ALK: variants seen among roughly 807,000 people sequenced by gnomAD.
ALK encodes ALK tyrosine kinase receptor.
ALK carries 74 observed loss-of-function variants against 163.1 expected under a neutral mutation model. That is an observed-to-expected ratio of 0.45 (90% CI 0.38 to 0.55). ALK has a LOEUF of 0.55. ALK is among the 20% of genes least tolerant of loss of function. The pLI is 0.00. For synonymous variants in ALK, 960 were observed against 843.2 expected (o/e 1.14, Z -2.40); for missense variants, 2,063 against 2,105.3 (o/e 0.98, Z 0.39).
intron 4 of ALK, among the ~76,000 whole-genome samples, chr2:29,434,269 G>A (rs1670344310): frequency 6.6e-6 from 1 of 152,170 alleles, no homozygotes; most frequent in South Asian, 2.1e-4. Flanking sequence ...TTGGATGGAA[G>A]AGCATAATGA....
chr2:29,793,045 T>C (rs6711515), intron 1 of ALK, among the ~76,000 whole-genome samples: 26,296 of 152,156 alleles, frequency 0.17, 2,774 homozygotes, highest in East Asian at 0.41. Flanking sequence ...CCACAGTAAA[T>C]CTTTCAAAAT....
intron 4 of ALK, among the ~76,000 whole-genome samples, chr2:29,398,678 G>C (rs1178278401): frequency 6.6e-6 from 1 of 152,166 alleles, no homozygotes; most frequent in Non-Finnish European, 1.5e-5. Flanking sequence ...AGCTGGGCAG[G>C]AGAGCAGGAC....
chr2:29,899,791 A>T (rs1667365212), intron 1 of ALK: 1 of 151,236 alleles, frequency 6.6e-6, no homozygotes, highest in South Asian at 2.1e-4. Context: ...ACACCACTGC[A>T]CTCCAGCCTG....
chr2:29,897,805 C>T (rs1449706942), intron 1 of ALK, among the ~76,000 whole-genome samples: 1 of 152,194 alleles, frequency 6.6e-6, no homozygotes, highest in African/African-American at 2.4e-5. Context: ...CCTCCTGTAC[C>T]CTGCCCTTCT....
intron 4 of ALK, among the ~76,000 whole-genome samples, chr2:29,429,171 T>C (rs1219789513): frequency 6.6e-6 from 1 of 152,086 alleles, no homozygotes; most frequent in Non-Finnish European, 1.5e-5. Flanking sequence ...AAAGACTGAA[T>C]GCTTTCCTTT....
chr2:29,446,748 A>G (rs1016529189), intron 4 of ALK, among the ~76,000 whole-genome samples: 1 of 152,212 alleles, frequency 6.6e-6, no homozygotes, highest in African/African-American at 2.4e-5. Context: ...TTCATGAAAA[A>G]TAGTGTGCAA....
At chr2:29,697,438 G>A (rs1053831452) in intron 2 of ALK, among the ~76,000 whole-genome samples, 6 of 152,072 alleles carry the variant, frequency 3.9e-5, no homozygotes, top group South Asian at 2.1e-4. Flanking sequence ...ATGATTCCAC[G>A]TTTGCCCCAC....
At chr2:29,872,341 C>T (rs1341906230) in intron 1 of ALK, among the ~76,000 whole-genome samples, 1 of 152,116 alleles carries the variant, frequency 6.6e-6, no homozygotes, top group Non-Finnish European at 1.5e-5. Flanking sequence ...GGTGAGCAGA[C>T]AAAACAGGTA....
At chr2:29,649,152 G>A (rs1314402681) in intron 3 of ALK, among the ~76,000 whole-genome samples, 1 of 151,776 alleles carries the variant, frequency 6.6e-6, no homozygotes, top group African/African-American at 2.4e-5. Flanking sequence ...TATAGTGTGG[G>A]ATTCAATTAT....
chr2:29,692,759 A>C (rs1678439022), intron 3 of ALK, among the ~76,000 whole-genome samples: 3 of 152,212 alleles, frequency 2.0e-5, no homozygotes, highest in Admixed American at 2.0e-4. Flanking sequence ...TTCTAGAGAA[A>C]TTCTTGAACA....
At chr2:29,287,364 C>T (rs961377192) in intron 9 of ALK, among the ~76,000 whole-genome samples, 3 of 152,204 alleles carry the variant, frequency 2.0e-5, no homozygotes, top group African/African-American at 7.2e-5. Flanking sequence ...TTACTGTTGG[C>T]CTTGTGTCTT....
At chr2:29,451,330 A>G in intron 4 of ALK, among the ~76,000 whole-genome samples, 1 of 152,096 alleles carries the variant, frequency 6.6e-6, no homozygotes, top group East Asian at 1.9e-4. Flanking sequence ...CAACTTCAAT[A>G]ATGTTACTCC....
At chr2:29,715,105 G>A (rs1679208398) in intron 2 of ALK, among the ~76,000 whole-genome samples, 1 of 152,218 alleles carries the variant, frequency 6.6e-6, no homozygotes, top group Non-Finnish European at 1.5e-5. Flanking sequence ...ATCAGGCACA[G>A]GGCCAAGCAC....
intron 3 of ALK, among the ~76,000 whole-genome samples, chr2:29,571,640 G>A (rs147659276): frequency 0.06 from 3,133 of 52,482 alleles, 102 homozygotes; most frequent in African/African-American, 0.18. Context: ...TTTTTGAGAT[G>A]TTGTCTCATT....
chr2:29,618,407 T>A (rs1455222023), intron 3 of ALK, among the ~76,000 whole-genome samples: 1 of 151,732 alleles, frequency 6.6e-6, no homozygotes, highest in Non-Finnish European at 1.5e-5. Flanking sequence ...CATCAGTTTG[T>A]CATTTTTTTT....
intron 5 of ALK, among the ~76,000 whole-genome samples, chr2:29,372,327 T>A (rs190368462): frequency 6.6e-6 from 1 of 152,272 alleles, no homozygotes; most frequent in Admixed American, 6.5e-5. Context: ...GAGAGCTGAG[T>A]CATCTAGTCC....
At chr2:29,897,367 C>T (rs1027662180) in intron 1 of ALK, among the ~76,000 whole-genome samples, 1 of 151,552 alleles carries the variant, frequency 6.6e-6, no homozygotes, top group Admixed American at 6.6e-5. Flanking sequence ...AAATAAATAA[C>T]AATAAAAAGA....
Position 29,383,873 on chromosome 2 carries a change from A to C in ALK, c.1155-14T>G. ...AGCACTGTCCAACTGGTTGCATTGG[A>C]AAACAGAGGAGAAAAGCATAGAGAA... is the stretch of plus-strand genomic sequence containing the variant. On this transcript the variant is annotated splice_polypyrimidine_tract_variant and intron_variant, in intron 4 of 28. Coordinates refer to ENST00000389048, the MANE Select transcript of ALK (RefSeq NM_004304.5). 1.2e-6 allele frequency: 2 copies of C among 1,613,670 alleles called. No homozygotes were observed. The highest frequency in any genetic ancestry group is 1.7e-6 in the Non-Finnish European group (2 of 1,179,916).
chr2:29,730,779 T>C (rs1185377545), intron 1 of ALK, among the ~76,000 whole-genome samples: 1 of 152,186 alleles, frequency 6.6e-6, no homozygotes, highest in Non-Finnish European at 1.5e-5. Flanking sequence ...TGGTCTGGCC[T>C]AGCCTCCCAG....
Sources: allele counts gnomAD v4.1 joint callset (sites outside exome capture counted in the v4.1 genomes callset), GRCh38; gene constraint gnomAD v4.1.1; transcripts MANE v1.5; gene names NCBI Gene and HGNC (gene_info 2026-07-23, HGNC 2026-07-21).